The following VEGFC variants were observed in gnomAD, a reference collection of about 807,000 sequenced individuals.
VEGFC encodes the protein FLT4 ligand DHM.
In VEGFC, 12 loss-of-function variants were observed where a neutral mutation model predicts 46.1. The ratio of observed to expected loss-of-function variants is 0.26; its 90% confidence interval spans 0.17 to 0.42. VEGFC has a LOEUF of 0.42. Among genes scored for constraint, VEGFC ranks in the 10% least tolerant of loss-of-function variants. The probability of loss-of-function intolerance (pLI) is 1.00; values close to 1 mark genes in which losing one functional copy is unlikely to be tolerated. For missense variants in VEGFC, 488 were observed against 529.4 expected, an observed-to-expected ratio of 0.92 and a Z score of 0.77; for synonymous variants, 232 against 195.5, an observed-to-expected ratio of 1.19 and a Z score of -1.56.
At chr4:176,711,819 T>C (rs185998539) in intron 3 of VEGFC, among the ~76,000 whole-genome samples, 169 bp from the exon 4 acceptor site, 10 of 152,314 alleles carry the variant, frequency 6.6e-5, no homozygotes, top group Middle Eastern at 3.4e-3. Context: ...GTCTTGCTCC[T>C]AACCAGTATC....
At chr4:176,699,387 C>T (rs887433413) in intron 4 of VEGFC, among the ~76,000 whole-genome samples, 2 of 152,206 alleles carry the variant, frequency 1.3e-5, no homozygotes, top group African/African-American at 4.8e-5. Flanking sequence ...AACCTGACTC[C>T]ATTAACAATC....
At position 176,792,574 on chromosome 4, in the gene VEGFC, C is replaced by A. The variant is rs983043397; in HGVS notation, c.-263G>T. 8.7e-6 allele frequency: 3 copies of A among 346,514 alleles called. No homozygotes were observed. The highest frequency in any genetic ancestry group is 1.5e-5 in the Non-Finnish European group (3 of 193,914). The allele number at this position is 346,514 out of a possible 1,614,324, so 21.5% of individuals were successfully genotyped here. A position where few individuals can be genotyped will look rare whatever the true frequency, so the allele number is the denominator to read the frequency against. On this transcript the variant is annotated 5_prime_UTR_variant, in exon 1 of 7. Coordinates refer to ENST00000618562, the MANE Select transcript of VEGFC (RefSeq NM_005429.5). The surrounding 1 kb of genome is among the most constrained non-coding windows in gnomAD (Gnocchi z 6.3). ...CAGGAAACCGGACATCCGAGCTCCC[C>A]GCATTCGGAGCCCGCGAGGTGAAGC...
chr4:176,779,327 A>G (rs1453147824), intron 1 of VEGFC, among the ~76,000 whole-genome samples: 1 of 152,234 alleles, frequency 6.6e-6, no homozygotes, highest in East Asian at 1.9e-4. Flanking sequence ...AACAATGAAT[A>G]ATTCCTCACT....
rs1323099026 is a variant in VEGFC, at chr4:176,780,402, C to CAAAAAAAAAAAA, written c.147+11762_147+11763insTTTTTTTTTTTT. Among the ~76,000 whole-genome samples the CAAAAAAAAAAAA allele has an allele frequency of 5.8e-4, 65 of 112,904 alleles. No homozygotes were observed. In the East Asian group the frequency reaches 0.012, roughly 21 times the overall value. 74.1% of individuals were successfully genotyped at this position (112,904 alleles called of 152,430 possible). On this transcript the variant is annotated intron_variant, in intron 1 of 6. Transcript: ENST00000618562. ...ATCTCAAAAAAAAAAAAAAAAAACT[C>CAAAAAAAAAAAA]CTTCTAACCCATTCACTAAGCACTA...
chr4:176,776,990 G>T (rs539527765), intron 1 of VEGFC, among the ~76,000 whole-genome samples: 2 of 152,230 alleles, frequency 1.3e-5, no homozygotes, highest in South Asian at 4.1e-4. Context: ...CAGCATAACT[G>T]GACGGGAGAT....
At chr4:176,754,905 C>T (rs1735406526) in intron 1 of VEGFC, among the ~76,000 whole-genome samples, 1 of 152,022 alleles carries the variant, frequency 6.6e-6, no homozygotes, top group African/African-American at 2.4e-5. Flanking sequence ...TTATATATTA[C>T]ATAAAAATAT....
At chr4:176,724,731 AC>A (rs1734844088) in intron 3 of VEGFC, among the ~76,000 whole-genome samples, 1 of 152,204 alleles carries the variant, frequency 6.6e-6, no homozygotes, top group Admixed American at 6.5e-5. Flanking sequence ...AGTCTAGAGC[AC>A]TGGAAGCACA....
At chr4:176,722,649 A>C (rs1734808416) in intron 3 of VEGFC, among the ~76,000 whole-genome samples, 1 of 151,686 alleles carries the variant, frequency 6.6e-6, no homozygotes, top group Admixed American at 6.6e-5. Flanking sequence ...CAGGTGCACA[A>C]CACCATGCCT....
At chr4:176,742,954 G>A (rs1413265992) in intron 1 of VEGFC, among the ~76,000 whole-genome samples, 5 of 151,954 alleles carry the variant, frequency 3.3e-5, no homozygotes, top group Admixed American at 6.6e-5. Flanking sequence ...CTGATATTAC[G>A]GAAATATTAC....
chr4:176,692,810 T>G (rs1390096572), intron 4 of VEGFC, among the ~76,000 whole-genome samples: 10 of 146,088 alleles, frequency 6.8e-5, no homozygotes, highest in East Asian at 2.0e-4. Flanking sequence ...CTCAAGTGGG[T>G]CCCTGACCCC....
chr4:176,698,339 TAGTC>T (rs889043171), intron 4 of VEGFC, among the ~76,000 whole-genome samples: 5 of 151,978 alleles, frequency 3.3e-5, no homozygotes, highest in East Asian at 3.9e-4. Flanking sequence ...TGTTTGGTCT[TAGTC>T]AGAACTGGGC....
chr4:176,769,601 T>C (rs1735689132), intron 1 of VEGFC, among the ~76,000 whole-genome samples: 1 of 152,168 alleles, frequency 6.6e-6, no homozygotes, highest in South Asian at 2.1e-4. Flanking sequence ...AAACCTCAAA[T>C]GAGAACCACG....
rs762255438 is a variant in VEGFC, at chr4:176,729,526, T to C, written c.361+7A>G. Reference sequence around the variant, plus strand: ...GGCTTACTATACATTTTATTTCCCATACTTACTTTTCAAGATCTCTGTATT... The same window carrying C: ...GGCTTACTATACATTTTATTTCCCACACTTACTTTTCAAGATCTCTGTATT... On this transcript the variant is annotated splice_region_variant and intron_variant, in intron 2 of 6. Transcript: ENST00000618562. The C allele has an allele frequency of 3.7e-6, 6 of 1,609,228 alleles. No individual in the cohort carries two copies. Among genetic ancestry groups the C allele is most frequent in the East Asian group, 4.5e-5 (2 of 44,716 alleles).
intron 1 of VEGFC, among the ~76,000 whole-genome samples, chr4:176,733,287 T>G (rs1249791402): frequency 6.6e-6 from 1 of 151,968 alleles, no homozygotes; most frequent in African/African-American, 2.4e-5. Flanking sequence ...AAAACTTATG[T>G]TCACATAAAA....
chr4:176,692,273 A>G (rs1338075362), intron 4 of VEGFC, among the ~76,000 whole-genome samples: 1 of 135,246 alleles, frequency 7.4e-6, no homozygotes, highest in Admixed American at 7.1e-5. Flanking sequence ...GGGCGCCTGT[A>G]GTCCCAGCTA....
At chr4:176,788,703 C>T (rs1401140064) in intron 1 of VEGFC, among the ~76,000 whole-genome samples, 1 of 152,138 alleles carries the variant, frequency 6.6e-6, no homozygotes, top group Non-Finnish European at 1.5e-5. Context: ...AAAATTCAAA[C>T]CTTGAAGTAT....
At chr4:176,730,620 A>C (rs1001632096) in intron 1 of VEGFC, among the ~76,000 whole-genome samples, 1 of 152,058 alleles carries the variant, frequency 6.6e-6, no homozygotes, top group African/African-American at 2.4e-5. Context: ...ACTGGTTCTC[A>C]AAGTTTAGTC....
At chr4:176,733,857 TAAATTTAA>T in intron 1 of VEGFC, among the ~76,000 whole-genome samples, 1 of 151,764 alleles carries the variant, frequency 6.6e-6, no homozygotes, top group East Asian at 1.9e-4. Context: ...AACTAAAAGG[TAAATTTAA>T]AGGGGAGACA....
chr4:176,693,239 G>A (rs1300007119), intron 4 of VEGFC, among the ~76,000 whole-genome samples: 1 of 146,012 alleles, frequency 6.8e-6, no homozygotes, highest in African/African-American at 2.6e-5. Context: ...AAAAAATTTA[G>A]AAGAATGTAT....
Sources: gnomAD v4.1 joint callset for allele counts (sites outside exome capture counted in the v4.1 genomes callset) on GRCh38, gnomAD v4.1.1 for gene constraint, Gnocchi (gnomAD v3.1) non-coding constraint, MANE v1.5 for transcripts, NCBI Gene and HGNC (gene_info 2026-07-23, HGNC 2026-07-21) for gene names.